The following GIPC2 variants were observed in gnomAD, a reference collection of about 807,000 sequenced individuals.
The protein encoded by GIPC2 is GIPC PDZ domain containing family member 2.
Under a neutral mutation model 30.6 loss-of-function variants are expected in GIPC2, and 30 were observed. The observed-to-expected ratio is 0.98, with a 90% CI of 0.73 to 1.33. The LOEUF is 1.33. Among genes scored for constraint, GIPC2 ranks in the 40% most tolerant of loss-of-function variants. The pLI is 0.00. For synonymous variants in GIPC2, 167 were observed against 150.0 expected, an observed-to-expected ratio of 1.11 and a Z score of -0.83; for missense variants, 414 against 390.3, an observed-to-expected ratio of 1.06 and a Z score of -0.51.
Position 78,046,075 on chromosome 1 carries a change from C to G in GIPC2, c.-20C>G. The G allele has an allele frequency of 2.1e-6, 3 of 1,413,048 alleles. No individual in the cohort carries two copies. The highest frequency in any genetic ancestry group is 1.8e-6 in the Non-Finnish European group (2 of 1,087,078). The allele number at this position is 1,413,048 out of a possible 1,614,324, so 87.5% of individuals were successfully genotyped here. A position where few individuals can be genotyped will look rare whatever the true frequency, so the allele number is the denominator to read the frequency against. ...CGGCGGACGGCAGCGCAGGTGGGCCCGCGCTCTCGGCCCTGCAAGATGCCC... is the reference window on the plus strand; with the variant it reads ...CGGCGGACGGCAGCGCAGGTGGGCCGGCGCTCTCGGCCCTGCAAGATGCCC... On this transcript the variant is annotated 5_prime_UTR_variant, in exon 1 of 6. Transcript: ENST00000370759.
chr1:78,055,282 C>A (rs1315926234), intron 1 of GIPC2, among the ~76,000 whole-genome samples: 1 of 152,128 alleles, frequency 6.6e-6, no homozygotes, highest in Non-Finnish European at 1.5e-5. Context: ...CTCCCAAAGA[C>A]CCCACCTCCA....
intron 1 of GIPC2, among the ~76,000 whole-genome samples, chr1:78,061,040 G>A (rs1661383318): frequency 6.6e-6 from 1 of 152,132 alleles, no homozygotes; most frequent in African/African-American, 2.4e-5. Flanking sequence ...GTGTCTCATA[G>A]GGCCACCAGG....
At chr1:78,075,508 C>T (rs116589977) in intron 1 of GIPC2, among the ~76,000 whole-genome samples, 2,774 of 152,172 alleles carry the variant, frequency 0.018, 43 homozygotes, top group Non-Finnish European at 0.029. Flanking sequence ...AGCAACTCAC[C>T]GATGTCACCA....
intron 3 of GIPC2, among the ~76,000 whole-genome samples, chr1:78,102,511 G>A (rs1662267641): frequency 1.3e-5 from 2 of 152,088 alleles, no homozygotes; most frequent in Non-Finnish European, 2.9e-5. Context: ...CATATATACT[G>A]AATTCTACAA....
chr1:78,104,500 A>G (rs1662307615), intron 3 of GIPC2, among the ~76,000 whole-genome samples: 1 of 152,154 alleles, frequency 6.6e-6, no homozygotes, highest in Non-Finnish European at 1.5e-5. Flanking sequence ...GCTATATATG[A>G]CTAGAGGATA....
At chr1:78,106,392 T>C (rs1662354091) in intron 3 of GIPC2, among the ~76,000 whole-genome samples, 2 of 151,716 alleles carry the variant, frequency 1.3e-5, no homozygotes, top group Non-Finnish European at 2.9e-5. Flanking sequence ...ACACCATCTC[T>C]ACTAAAAATA....
At chr1:78,070,017 T>G (rs773317290) in intron 1 of GIPC2, among the ~76,000 whole-genome samples, 2 of 152,084 alleles carry the variant, frequency 1.3e-5, no homozygotes, top group Non-Finnish European at 2.9e-5. Context: ...ATTTGGGTGG[T>G]TTTTAAATAT....
chr1:78,118,042 C>T (rs568028440), intron 3 of GIPC2, among the ~76,000 whole-genome samples: 1 of 151,884 alleles, frequency 6.6e-6, no homozygotes, highest in East Asian at 1.9e-4. Context: ...CCCATCTCAA[C>T]CTCCTGAGTA....
intron 1 of GIPC2, among the ~76,000 whole-genome samples, chr1:78,069,729 C>T (rs552596884): frequency 2.0e-5 from 3 of 152,266 alleles, no homozygotes; most frequent in South Asian, 2.1e-4. Flanking sequence ...CTGCCTCAGC[C>T]TCCCAAAATG....
intron 1 of GIPC2, among the ~76,000 whole-genome samples, chr1:78,065,768 T>C (rs967395484): frequency 6.6e-6 from 1 of 152,164 alleles, no homozygotes; most frequent in Non-Finnish European, 1.5e-5. Flanking sequence ...ATCTGGTCCT[T>C]GACATACCTG....
rs186580240 is a variant in GIPC2, at chr1:78,069,390, A to G, written c.241-11285A>G. Among the ~76,000 whole-genome samples the G allele has an allele frequency of 2.3e-3, 344 of 151,948 alleles. 1 individual carries two copies. Among genetic ancestry groups the G allele is most frequent in the Non-Finnish European group, 3.0e-3 (207 of 67,980 alleles). On this transcript the variant is annotated intron_variant, in intron 1 of 5. Transcript: ENST00000370759. ...GCTCTCAAACTTCCTGATGAAACATATAAGTGTGTGAGGTGGTCAGTGAAT... is the reference window on the plus strand; with the variant it reads ...GCTCTCAAACTTCCTGATGAAACATGTAAGTGTGTGAGGTGGTCAGTGAAT...
At position 78,080,975 on chromosome 1, in the gene GIPC2, C is replaced by T. The variant is rs554749638; in HGVS notation, c.426+115C>T. The T allele has an allele frequency of 4.4e-5, 22 of 497,268 alleles. No individual in the cohort carries two copies. In the South Asian group the frequency reaches 9.9e-4, roughly 22 times the overall value. The allele number at this position is 497,268 out of a possible 1,614,324, so 30.8% of individuals were successfully genotyped here. A position where few individuals can be genotyped will look rare whatever the true frequency, so the allele number is the denominator to read the frequency against. On this transcript the variant is annotated intron_variant, in intron 2 of 5. Transcript: ENST00000370759. Reference sequence around the variant, plus strand: ...AGTGAGAGCCCGCTCAGCAAGGATGCATGAATTGGTAATGTTTCACTTTCA... The same window carrying T: ...AGTGAGAGCCCGCTCAGCAAGGATGTATGAATTGGTAATGTTTCACTTTCA...
intron 3 of GIPC2, among the ~76,000 whole-genome samples, chr1:78,107,111 C>T (rs1662368778): frequency 6.8e-6 from 1 of 146,178 alleles, no homozygotes. Flanking sequence ...CCTTTCTTTC[C>T]CTACCTTTTT....
At chr1:78,095,551 G>A (rs942709211) in intron 3 of GIPC2, among the ~76,000 whole-genome samples, 2 of 152,170 alleles carry the variant, frequency 1.3e-5, no homozygotes, top group African/African-American at 2.4e-5. Context: ...ATTTAAAATA[G>A]TTATCTAGTC....
Position 78,102,943 on chromosome 1 carries a change from C to A in GIPC2, c.607+7811C>A, listed in dbSNP as rs1437908266. ...ATTCTGGAAAGACAGATGGCAATAT[C>A]ACATCTCATATCAACTAAGGAAATA... On this transcript the variant is annotated intron_variant, in intron 3 of 5. Transcript: ENST00000370759. Among the ~76,000 whole-genome samples the A allele has an allele frequency of 3.3e-5, 5 of 152,340 alleles. No homozygotes were observed. In the South Asian group the frequency reaches 8.3e-4, roughly 25 times the overall value.
In GIPC2 at chr1:78,091,840, G is replaced by A. The variant is rs185801571; in HGVS notation, c.427-3112G>A. On this transcript the variant is annotated intron_variant, in intron 2 of 5. Transcript: ENST00000370759. ...AAGCTGATAATAGAAGGATGTCTCG[G>A]AAGGAGAAAGATGTAAGAATCTTGT... 3.4e-3 allele frequency: 2,652 copies of A among 777,980 alleles called. 9 individuals carry two copies. The highest frequency in any genetic ancestry group is 5.4e-3 in the Non-Finnish European group (2,252 of 417,356). The allele number at this position is 777,980 out of a possible 1,614,324, so 48.2% of individuals were successfully genotyped here.
chr1:78,047,623 G>T (rs1269436378), intron 1 of GIPC2, among the ~76,000 whole-genome samples: 4 of 152,108 alleles, frequency 2.6e-5, no homozygotes, highest in African/African-American at 7.2e-5. Context: ...ATGGAGCCAG[G>T]TTCTACCCTT....
chr1:78,116,510 C>T lies in GIPC2; in HGVS notation c.608-2883C>T, dbSNP rs555721752. ...CCTAATGCTATCCCTCCCGCCTCCCCCCACTCCACAACAGGCCCCGGTGTG... is the reference window on the plus strand; with the variant it reads ...CCTAATGCTATCCCTCCCGCCTCCCTCCACTCCACAACAGGCCCCGGTGTG... On this transcript the variant is annotated intron_variant, in intron 3 of 5. Coordinates refer to ENST00000370759, the MANE Select transcript of GIPC2 (RefSeq NM_017655.6). Among the ~76,000 whole-genome samples the T allele has an allele frequency of 4.7e-3, 714 of 152,190 alleles. 6 individuals are homozygous for T. The highest frequency in any genetic ancestry group is 0.016 in the African/African-American group (680 of 41,496).
intron 1 of GIPC2, among the ~76,000 whole-genome samples, chr1:78,053,225 A>T (rs1214445564): frequency 3.3e-5 from 5 of 152,232 alleles, no homozygotes; most frequent in Non-Finnish European, 5.9e-5. Context: ...TCTGTTGCAC[A>T]TAAACAATTG....
Sources: allele counts gnomAD v4.1 joint callset (sites outside exome capture counted in the v4.1 genomes callset), GRCh38; gene constraint gnomAD v4.1.1; transcripts MANE v1.5; gene names NCBI Gene and HGNC (gene_info 2026-07-23, HGNC 2026-07-21).